Variants in KCNH5 observed in about 807,000 individuals in gnomAD.
KCNH5 encodes potassium voltage-gated channel subfamily H member 5, also known as voltage-gated delayed rectifier potassium channel KCNH5.
In KCNH5, 46 loss-of-function variants were observed where a neutral mutation model predicts 96.1. That is an observed-to-expected ratio of 0.48 (90% confidence interval 0.38 to 0.61). The LOEUF (loss-of-function observed/expected upper bound fraction) is 0.61. Ranked by LOEUF, KCNH5 falls within the 20% of genes least tolerant of loss-of-function variation. The pLI is 0.00. For missense variants in KCNH5, 907 were observed against 1,225.8 expected (o/e 0.74, Z 3.88); for synonymous variants, 439 against 449.8 (o/e 0.98, Z 0.30).
chr14:62,862,706 G>T (rs1018303488), intron 7 of KCNH5, among the ~76,000 whole-genome samples: 1 of 152,132 alleles, frequency 6.6e-6, no homozygotes, highest in Non-Finnish European at 1.5e-5. Flanking sequence ...AGAAGTCTGG[G>T]TTGTACTGAG....
intron 8 of KCNH5, among the ~76,000 whole-genome samples, chr14:62,839,324 A>G (rs1186061504): frequency 2.0e-5 from 3 of 152,208 alleles, no homozygotes; most frequent in Non-Finnish European, 2.9e-5. Flanking sequence ...TTATATAAAT[A>G]TTAACACTTA....
chr14:62,847,500 A>G (rs1477363360), intron 8 of KCNH5, among the ~76,000 whole-genome samples: 1 of 152,154 alleles, frequency 6.6e-6, no homozygotes, highest in Non-Finnish European at 1.5e-5. Context: ...ACAGGCATAG[A>G]GTATGTTTCA....
At chr14:62,734,296 G>C (rs1050046065) in intron 10 of KCNH5, among the ~76,000 whole-genome samples, 1 of 152,076 alleles carries the variant, frequency 6.6e-6, no homozygotes, top group Non-Finnish European at 1.5e-5. Flanking sequence ...AATGGCTCTA[G>C]TTTGAGCTGT....
chr14:62,953,685 A>T (rs8019870), intron 6 of KCNH5, among the ~76,000 whole-genome samples: 7,704 of 152,236 alleles, frequency 0.051, 681 homozygotes, highest in African/African-American at 0.18. Flanking sequence ...CACCACTCAA[A>T]GTGCCTAAAT....
chr14:62,924,112 C>A (rs754287519), intron 7 of KCNH5, among the ~76,000 whole-genome samples: 1 of 151,854 alleles, frequency 6.6e-6, no homozygotes, highest in Non-Finnish European at 1.5e-5. Context: ...GGAACCCATA[C>A]AACTCAAAAG....
At chr14:62,935,058 T>C (rs1056061305) in intron 7 of KCNH5, among the ~76,000 whole-genome samples, 2 of 152,134 alleles carry the variant, frequency 1.3e-5, no homozygotes, top group Admixed American at 6.6e-5. Flanking sequence ...CAGTCAAGCG[T>C]ACTATGAAAG....
At chr14:62,865,088 G>A (rs1045592451) in intron 7 of KCNH5, among the ~76,000 whole-genome samples, 16 of 152,186 alleles carry the variant, frequency 1.1e-4, no homozygotes, top group African/African-American at 3.9e-4. Flanking sequence ...AAAAGCAAGA[G>A]TAGGAGTGCT....
At chr14:62,751,317 A>G (rs998487165) in intron 10 of KCNH5, among the ~76,000 whole-genome samples, 13 of 152,156 alleles carry the variant, frequency 8.5e-5, no homozygotes, top group South Asian at 2.1e-4. Flanking sequence ...GTTTTGGGGT[A>G]AGAGAGGCCC....
intron 9 of KCNH5, among the ~76,000 whole-genome samples, chr14:62,788,807 G>T (rs910918767): frequency 2.0e-5 from 3 of 151,978 alleles, no homozygotes; most frequent in Non-Finnish European, 4.4e-5. Context: ...TTAAATTAAG[G>T]TATATGCATT....
chr14:63,012,064 T>G (rs1316604379), intron 2 of KCNH5, among the ~76,000 whole-genome samples: 1 of 152,174 alleles, frequency 6.6e-6, no homozygotes, highest in Non-Finnish European at 1.5e-5. Context: ...AATAGGCTCT[T>G]AAAAGTTTCA....
intron 7 of KCNH5, among the ~76,000 whole-genome samples, chr14:62,906,367 G>T (rs1389032332): frequency 1.3e-5 from 2 of 152,174 alleles, no homozygotes; most frequent in African/African-American, 4.8e-5. Context: ...TGTCTGGGAA[G>T]TCAGAGAAGG....
intron 10 of KCNH5, among the ~76,000 whole-genome samples, chr14:62,736,050 C>T (rs1885148893): frequency 6.6e-6 from 1 of 152,152 alleles, no homozygotes; most frequent in Non-Finnish European, 1.5e-5. Context: ...GGCTTTAAGG[C>T]TCTAGATTTG....
chr14:63,008,699 A>G (rs911983745), intron 2 of KCNH5, among the ~76,000 whole-genome samples: 19 of 152,176 alleles, frequency 1.2e-4, no homozygotes, highest in African/African-American at 4.6e-4. Flanking sequence ...ATAATCTTAT[A>G]TCTAGACTAA....
intron 7 of KCNH5, among the ~76,000 whole-genome samples, chr14:62,929,340 A>G (rs944140954): frequency 6.6e-6 from 1 of 152,030 alleles, no homozygotes; most frequent in Non-Finnish European, 1.5e-5. Context: ...AATGATTGCA[A>G]TAGCCTCCCT....
At chr14:62,924,404 C>T (rs931170645) in intron 7 of KCNH5, among the ~76,000 whole-genome samples, 1 of 151,718 alleles carries the variant, frequency 6.6e-6, no homozygotes, top group Admixed American at 6.6e-5. Flanking sequence ...TATGGAAAAC[C>T]GTATGGAGGT....
At chr14:62,937,941 T>C (rs553507211) in intron 7 of KCNH5, among the ~76,000 whole-genome samples, 36 of 152,208 alleles carry the variant, frequency 2.4e-4, no homozygotes, top group Non-Finnish European at 4.6e-4. Flanking sequence ...GTTTGGACCC[T>C]TTCTAAGGAA....
intron 1 of KCNH5, among the ~76,000 whole-genome samples, chr14:63,040,423 T>C (rs566835124): frequency 4.6e-5 from 7 of 152,252 alleles, no homozygotes; most frequent in African/African-American, 1.4e-4. Context: ...GTGGCTTATG[T>C]ATAAATATAA....
At chr14:62,978,586 CA>C (rs529221170) in intron 6 of KCNH5, among the ~76,000 whole-genome samples, 247 of 80,642 alleles carry the variant, frequency 3.1e-3, no homozygotes, top group Middle Eastern at 8.1e-3. Context: ...GACTCCGTCT[CA>C]AAAAAAAAAA....
chr14:62,981,304 C>G (rs1203199538), intron 5 of KCNH5, 40 bp from the exon 6 acceptor site: 1 of 1,585,502 alleles, frequency 6.3e-7, no homozygotes, highest in African/African-American at 1.3e-5. Flanking sequence ...ACTAGGTTAT[C>G]TCTGCACAGT....
Sources: gnomAD v4.1 joint callset for allele counts (sites outside exome capture counted in the v4.1 genomes callset) on GRCh38, gnomAD v4.1.1 for gene constraint, MANE v1.5 for transcripts, NCBI Gene and HGNC (gene_info 2026-07-23, HGNC 2026-07-21) for gene names.